Variants in BRCC3 observed in about 807,000 individuals in gnomAD.
BRCC3 encodes the protein lys-63-specific deubiquitinase BRCC36.
Under a neutral mutation model 28.0 loss-of-function variants are expected in BRCC3, and 15 were observed. That is an observed-to-expected ratio of 0.54 (90% CI 0.36 to 0.82). The LOEUF is 0.82. BRCC3 is among the 40% of genes least tolerant of loss of function. The pLI is 0.01. For synonymous variants in BRCC3, 66 were observed against 80.3 expected, an observed-to-expected ratio of 0.82 and a Z score of 0.95; for missense variants, 109 against 225.9, an observed-to-expected ratio of 0.48 and a Z score of 3.32.
chrX:155,077,350 C>T, intron 4 of BRCC3, 61 bp downstream of exon 4: 1 of 1,049,223 alleles, frequency 9.5e-7, no homozygotes, highest in African/African-American at 1.9e-5. Flanking sequence ...CGCATTGCTG[C>T]TTGCTGCAGT....
At chrX:155,110,200 AT>A (rs1427927450) in intron 7 of BRCC3, among the ~76,000 whole-genome samples, 2 of 111,503 alleles carry the variant, frequency 1.8e-5, no homozygotes, top group Non-Finnish European at 3.8e-5. Flanking sequence ...AGATTTTGAT[AT>A]CATGGTTTTG....
intron 7 of BRCC3, among the ~76,000 whole-genome samples, chrX:155,096,017 A>T (rs2074207152): frequency 8.9e-6 from 1 of 112,196 alleles, no homozygotes; most frequent in Non-Finnish European, 1.9e-5. Flanking sequence ...CTAACGATGC[A>T]TTTCTCAGGA....
chrX:155,089,061 T>C (rs929610129), intron 5 of BRCC3, among the ~76,000 whole-genome samples: 33 of 112,111 alleles, frequency 2.9e-4, no homozygotes, highest in African/African-American at 9.4e-4. Context: ...TGGCAGACTT[T>C]CGATAGTATT....
At chrX:155,072,497 G>C (rs2073993698) in intron 2 of BRCC3, among the ~76,000 whole-genome samples, 154 bp downstream of exon 2, 1 of 110,928 alleles carries the variant, frequency 9.0e-6, no homozygotes, top group African/African-American at 3.3e-5. Flanking sequence ...CTTGAACTTT[G>C]GTTTCTGCCT....
rs190280980 is a variant in BRCC3 at position 155,078,908 on chromosome X, A to G, written c.403+205A>G. 5.6e-3 allele frequency: 1,982 copies of G among 353,424 alleles called. 13 individuals are homozygous for G. Among genetic ancestry groups the G allele is most frequent in the Non-Finnish European group, 8.6e-3 (1,741 of 203,151 alleles). The allele number at this position is 353,424 out of a possible 1,213,427, so 29.1% of individuals were successfully genotyped here. A position where few individuals can be genotyped will look rare whatever the true frequency, so the allele number is the denominator to read the frequency against. On this transcript the variant is annotated intron_variant, in intron 5 of 10. Coordinates refer to ENST00000330045, the MANE Select transcript of BRCC3 (RefSeq NM_001018055.3). ...TAATAAGTCTGTCAGTTGATATAAAAAAATTAAACTGTTAACTGAAAATTG... is the reference window on the plus strand; with the variant it reads ...TAATAAGTCTGTCAGTTGATATAAAGAAATTAAACTGTTAACTGAAAATTG...
intron 5 of BRCC3, among the ~76,000 whole-genome samples, chrX:155,079,295 C>T (rs2074068459): frequency 9.0e-6 from 1 of 111,683 alleles, no homozygotes; most frequent in South Asian, 3.7e-4. Flanking sequence ...ATCTTACCCC[C>T]ATTGTACAGA....
intron 2 of BRCC3, 144 bp from the exon 3 acceptor site, chrX:155,073,233 C>G (rs1324817671): frequency 1.6e-6 from 1 of 634,745 alleles, no homozygotes; most frequent in Non-Finnish European, 2.4e-6. Context: ...GAGTGCAGCT[C>G]TAGCCTCAAT....
rs3844021 is a variant in BRCC3 at position 155,076,809 on chromosome X, A to G, written c.196-361A>G. On this transcript the variant is annotated intron_variant, in intron 3 of 10. Transcript: ENST00000330045. ...TCTTAGTGGAGTTTCATGAATGACA[A>G]CTTGCCACTCAACCATGTCGTTAGC... Among the ~76,000 whole-genome samples, 675 of 112,061 alleles carry G rather than the reference A, an allele frequency of 6.0e-3. 2 individuals are homozygous for G. The highest frequency in any genetic ancestry group is 0.02 in the African/African-American group (613 of 30,813).
At chrX:155,091,071 C>T (rs1333565024) in intron 7 of BRCC3, among the ~76,000 whole-genome samples, 1 of 111,762 alleles carries the variant, frequency 8.9e-6, no homozygotes, top group Non-Finnish European at 1.9e-5. Context: ...TACATCACCA[C>T]AGTCCTGCCT....
Position 155,090,852 on chromosome X carries a change from G to C in BRCC3, c.548+13G>C, listed in dbSNP as rs782350556. 8.8e-7 allele frequency: 1 copy of C among 1,142,171 alleles called. No homozygotes were observed. The highest frequency in any genetic ancestry group is 1.2e-6 in the Non-Finnish European group (1 of 836,175). 94.1% of individuals were successfully genotyped at this position (1,142,171 alleles called of 1,213,427 possible). A position where few individuals can be genotyped will look rare whatever the true frequency, so the allele number is the denominator to read the frequency against. On this transcript the variant is annotated intron_variant, in intron 7 of 10. Transcript: ENST00000330045. ...AAAAGAGTTCAGAGTAAGTATGAGA[G>C]AGACTTATGTGTGTATTGGAGGGCT...
chrX:155,081,919 A>G (rs1557294230), intron 5 of BRCC3, among the ~76,000 whole-genome samples: 1 of 111,948 alleles, frequency 8.9e-6, no homozygotes, highest in Non-Finnish European at 1.9e-5. Context: ...AGAGTACTAA[A>G]GGGAAAACAA....
intron 7 of BRCC3, among the ~76,000 whole-genome samples, chrX:155,097,092 T>C (rs1469014262): frequency 2.7e-5 from 3 of 111,934 alleles, no homozygotes; most frequent in African/African-American, 9.7e-5. Context: ...ACATTGGTCT[T>C]GGCAAAGATT....
chrX:155,076,359 AG>A (rs2074043096), intron 3 of BRCC3, among the ~76,000 whole-genome samples: 1 of 111,112 alleles, frequency 9.0e-6, no homozygotes, highest in African/African-American at 3.3e-5. Flanking sequence ...ACTGCACTCC[AG>A]CCTGGGCGAC....
At chrX:155,080,191 G>C (rs1333007350) in intron 5 of BRCC3, among the ~76,000 whole-genome samples, 1 of 111,699 alleles carries the variant, frequency 9.0e-6, no homozygotes, top group African/African-American at 3.3e-5. Flanking sequence ...AGAAAAGTTT[G>C]ACACATATAT....
In BRCC3 at chrX:155,116,683, C is replaced by T. The variant is rs782294693; in HGVS notation, c.681-28C>T. ...TGCTTTCCCTTCAGTGCTGCTTTGC[C>T]ACTAACCTAAACTATTTTATTCTTT... On this transcript the variant is annotated intron_variant, in intron 8 of 10. Coordinates refer to ENST00000330045, the MANE Select transcript of BRCC3 (RefSeq NM_001018055.3). 10 of 1,133,193 alleles carry T rather than the reference C, an allele frequency of 8.8e-6. No homozygotes were observed. In the East Asian group the frequency reaches 3.1e-4, roughly 35 times the overall value. The allele number at this position is 1,133,193 out of a possible 1,213,427, so 93.4% of individuals were successfully genotyped here.
intron 3 of BRCC3, among the ~76,000 whole-genome samples, chrX:155,074,297 A>G (rs1484122981): frequency 2.7e-5 from 3 of 112,138 alleles, no homozygotes; most frequent in Non-Finnish European, 5.6e-5. Flanking sequence ...CAGTACTCTT[A>G]TATCCTTCCT....
intron 7 of BRCC3, among the ~76,000 whole-genome samples, chrX:155,111,017 T>C (rs73247671): frequency 2.7e-4 from 30 of 111,538 alleles, no homozygotes; most frequent in Non-Finnish European, 5.1e-4. Context: ...AATCTCATCT[T>C]GTATGGGAGA....
At chrX:155,111,509 G>A (rs186263576) in intron 7 of BRCC3, among the ~76,000 whole-genome samples, 2 of 112,076 alleles carry the variant, frequency 1.8e-5, no homozygotes, top group Non-Finnish European at 3.8e-5. Flanking sequence ...ATTCAACAGG[G>A]AAATAAGAGG....
At chrX:155,072,818 C>T (rs1183633783) in intron 2 of BRCC3, among the ~76,000 whole-genome samples, 1 of 110,552 alleles carries the variant, frequency 9.0e-6, no homozygotes, top group African/African-American at 3.3e-5. Context: ...TCGACCTCCC[C>T]AAGTGCTGGA....
Sources: gnomAD v4.1 joint callset for allele counts (sites outside exome capture counted in the v4.1 genomes callset) on GRCh38, gnomAD v4.1.1 for gene constraint, MANE v1.5 for transcripts, NCBI Gene and HGNC (gene_info 2026-07-23, HGNC 2026-07-21) for gene names.